TGIF1: variants seen among roughly 807,000 people sequenced by gnomAD.
TGIF1 encodes TGFB induced factor homeobox 1.
In TGIF1, 4 loss-of-function variants were observed where a neutral mutation model predicts 19.3. The ratio of observed to expected loss-of-function variants is 0.21; its 90% CI spans 0.10 to 0.47. TGIF1 has a LOEUF of 0.47. Among genes scored for constraint, TGIF1 ranks in the 20% least tolerant of loss-of-function variants. The pLI is 0.98. For synonymous variants in TGIF1, 122 were observed against 129.3 expected, an observed-to-expected ratio of 0.94 and a Z score of 0.38; for missense variants, 275 against 341.4, an observed-to-expected ratio of 0.81 and a Z score of 1.53.
chr18:3,450,987 C>A (rs2082905096), intron 1 of TGIF1, among the ~76,000 whole-genome samples: 1 of 150,550 alleles, frequency 6.6e-6, no homozygotes, highest in Admixed American at 6.6e-5. Context: ...GCCCCCGCCG[C>A]CCCCCTACTC....
At chr18:3,436,859 C>T (rs2082620375) in intron 2 of TGIF1, among the ~76,000 whole-genome samples, 1 of 151,714 alleles carries the variant, frequency 6.6e-6, no homozygotes, top group African/African-American at 2.4e-5. Context: ...AATTCCAGCA[C>T]TCTGGGAGGC....
chr18:3,420,107 G>A (rs1402231900), intron 2 of TGIF1, among the ~76,000 whole-genome samples: 1 of 152,184 alleles, frequency 6.6e-6, no homozygotes, highest in Admixed American at 6.6e-5. Flanking sequence ...GCCAGGCATG[G>A]TGGCTCAAGC....
intron 2 of TGIF1, among the ~76,000 whole-genome samples, chr18:3,421,370 A>T (rs2082394989): frequency 6.8e-6 from 1 of 147,284 alleles, no homozygotes. Context: ...GTCTTACTAT[A>T]CTATATATAT....
upstream of TGIF1, chr18:3,449,572 T>A: frequency 1.1e-6 from 1 of 924,012 alleles, no homozygotes; most frequent in Non-Finnish European, 1.3e-6. Flanking sequence ...CCTCCCACTG[T>A]CGCTGCTGGA....
rs536510291 is a variant in TGIF1 at position 3,429,365 on chromosome 18, A to G, written c.-45+11150A>G. Among the ~76,000 whole-genome samples, 6 of 152,300 alleles carry G rather than the reference A, an allele frequency of 3.9e-5. No individual in the cohort carries two copies. In the South Asian group the frequency reaches 1.2e-3, roughly 32 times the overall value. ...TGCTCAGCCTGTGGAACACCATTTC[A>G]AGGTGAAACCGGAAAGGCAAACTAC... On this transcript the variant is annotated intron_variant, in intron 2 of 3. Transcript: ENST00000401449.
At position 3,456,505 on chromosome 18, in the gene TGIF1, G is replaced by C; in HGVS notation, c.168G>C (p.Glu56Asp). ...SVQILRDWLY[E>D]HRYNAYPSEQ... is the part of the protein sequence containing the mutation. ...AGATTCTTCGGGATTGGCTGTATGA[G>C]CACCGTTACAATGCCTATCCTTCAG... Residue 56 changes from glutamate (E) to aspartate (D), a missense_variant, in exon 2 of 3, where the codon GAG becomes GAC. Glu to Asp is a conservative substitution (Grantham distance 45, BLOSUM62 2). Coordinates refer to ENST00000343820, the MANE Select transcript of TGIF1 (RefSeq NM_003244.4). The surrounding 1 kb of genome is among the most constrained non-coding windows in gnomAD (Gnocchi z 4.2). 1.2e-6 allele frequency: 2 copies of C among 1,614,246 alleles called. No homozygotes were observed. Among genetic ancestry groups the C allele is most frequent in the Non-Finnish European group, 1.7e-6 (2 of 1,180,054 alleles).
chr18:3,437,859 G>A (rs1332217649), intron 2 of TGIF1, among the ~76,000 whole-genome samples: 1 of 152,200 alleles, frequency 6.6e-6, no homozygotes, highest in African/African-American at 2.4e-5. Flanking sequence ...CAAGGCAGGC[G>A]GATCACCTGA....
chr18:3,417,513 C>T (rs759010308), intron 1 of TGIF1, among the ~76,000 whole-genome samples: 9 of 152,114 alleles, frequency 5.9e-5, no homozygotes, highest in African/African-American at 1.4e-4. Context: ...TACATGGAAA[C>T]GTTCATGATA....
intron 2 of TGIF1, among the ~76,000 whole-genome samples, chr18:3,431,016 T>A (rs2082540295): frequency 6.6e-6 from 1 of 152,046 alleles, no homozygotes; most frequent in South Asian, 2.1e-4. Flanking sequence ...GAGAATACGA[T>A]ATGAACCTGG....
chr18:3,451,671 T>G lies in TGIF1; in HGVS notation c.16+1166T>G. 1.7e-6 allele frequency: 2 copies of G among 1,158,832 alleles called. No homozygotes were observed. The highest frequency in any genetic ancestry group is 1.1e-6 in the Non-Finnish European group (1 of 941,608). The allele number at this position is 1,158,832 out of a possible 1,614,324, so 71.8% of individuals were successfully genotyped here. A position where few individuals can be genotyped will look rare whatever the true frequency, so the allele number is the denominator to read the frequency against. ...GCCAGCGGGGTTCCTTCGGCTGCGT[T>G]TCTGTGGGAGGCCCTGAAACGCGCG... On this transcript the variant is annotated intron_variant, in intron 1 of 2. Transcript: ENST00000343820. This position sits in a 1 kb window ranked among gnomAD's most constrained non-coding sequence, Gnocchi z 5.4.
At chr18:3,441,851 C>T (rs2082680384) in intron 2 of TGIF1, among the ~76,000 whole-genome samples, 2 of 152,060 alleles carry the variant, frequency 1.3e-5, no homozygotes, top group Non-Finnish European at 2.9e-5. Context: ...ATTATTTCTC[C>T]AGCATAAAAC....
Position 3,457,282 on chromosome 18 carries a change from A to C in TGIF1, c.244-83A>C. 1 of 1,370,530 alleles carries C rather than the reference A, an allele frequency of 7.3e-7. No individual in the cohort carries two copies. Among genetic ancestry groups the C allele is most frequent in the Admixed American group, 1.9e-5 (1 of 53,562 alleles). 84.9% of individuals were successfully genotyped at this position (1,370,530 alleles called of 1,614,324 possible). A position where few individuals can be genotyped will look rare whatever the true frequency, so the allele number is the denominator to read the frequency against. On this transcript the variant is annotated intron_variant, in intron 2 of 2. Coordinates refer to ENST00000343820, the MANE Select transcript of TGIF1 (RefSeq NM_003244.4). This position sits in a 1 kb window ranked among gnomAD's most constrained non-coding sequence, Gnocchi z 4.9. ...TTTCTTTAATTCAGAGAGCAAGATC[A>C]ATTAGGTACCCCATAGAACATTCTC...
chr18:3,451,990 C>T lies in TGIF1; in HGVS notation c.16+1485C>T. The T allele has an allele frequency of 6.3e-7, 1 of 1,596,838 alleles. No individual in the cohort carries two copies. Among genetic ancestry groups the T allele is most frequent in the South Asian group, 1.1e-5 (1 of 87,964 alleles). On this transcript the variant is annotated intron_variant, in intron 1 of 2. Transcript: ENST00000343820. This position sits in a 1 kb window ranked among gnomAD's most constrained non-coding sequence, Gnocchi z 5.4. Reference sequence around the variant, plus strand: ...CTCTGTGTTTCGAGGATGGTTCTAGCGCAGAGCCGGGTGTCTGCCGGGGTG... The same window carrying T: ...CTCTGTGTTTCGAGGATGGTTCTAGTGCAGAGCCGGGTGTCTGCCGGGGTG...
At chr18:3,423,637 C>T (rs1288654705) in intron 2 of TGIF1, among the ~76,000 whole-genome samples, 2 of 152,040 alleles carry the variant, frequency 1.3e-5, no homozygotes, top group South Asian at 2.1e-4. Flanking sequence ...GAGCAGAGAT[C>T]GCGCCACTGC....
chr18:3,439,747 G>A (rs2082659282), intron 2 of TGIF1, among the ~76,000 whole-genome samples: 3 of 152,060 alleles, frequency 2.0e-5, no homozygotes, highest in South Asian at 4.2e-4. Context: ...GGGGCCAGGC[G>A]TGGCACCTCA....
chr18:3,430,347 T>C (rs1364133521), intron 2 of TGIF1, among the ~76,000 whole-genome samples: 1 of 152,188 alleles, frequency 6.6e-6, no homozygotes, highest in Non-Finnish European at 1.5e-5. Context: ...AACAATGCTA[T>C]CCTTCTTTCT....
chr18:3,427,875 T>A (rs1445121211), intron 2 of TGIF1, among the ~76,000 whole-genome samples: 4 of 152,182 alleles, frequency 2.6e-5, no homozygotes, highest in Middle Eastern at 6.3e-3. Context: ...GATGGGATTA[T>A]AGGCGTGAAC....
At chr18:3,431,248 A>G (rs2082543012) in intron 2 of TGIF1, among the ~76,000 whole-genome samples, 1 of 152,172 alleles carries the variant, frequency 6.6e-6, no homozygotes, top group South Asian at 2.1e-4. Flanking sequence ...GGAGTTCAAG[A>G]CCAGCCTGAC....
At chr18:3,417,143 T>G (rs1473436028) in intron 1 of TGIF1, among the ~76,000 whole-genome samples, 2 of 152,036 alleles carry the variant, frequency 1.3e-5, no homozygotes, top group Non-Finnish European at 2.9e-5. Context: ...TTATTTGTTT[T>G]TTGTTGTTGT....
Sources: gnomAD v4.1 joint callset for allele counts (sites outside exome capture counted in the v4.1 genomes callset) on GRCh38, gnomAD v4.1.1 for gene constraint, Gnocchi (gnomAD v3.1) non-coding constraint, MANE v1.5 for transcripts, NCBI Gene and HGNC (gene_info 2026-07-23, HGNC 2026-07-21) for gene names.